Variants in TRPM3 observed in about 807,000 individuals in gnomAD.
TRPM3 encodes transient receptor potential cation channel subfamily M member 3.
A neutral mutation model predicts 181.2 loss-of-function variants in TRPM3; 77 were observed. The ratio of observed to expected loss-of-function variants is 0.42; its 90% CI spans 0.35 to 0.51. The LOEUF is 0.51. Ranked by LOEUF, TRPM3 falls within the 20% of genes least tolerant of loss-of-function variation. TRPM3 has a pLI of 0.01. For synonymous variants in TRPM3, 745 were observed against 796.4 expected, an observed-to-expected ratio of 0.94 and a Z score of 1.09; for missense variants, 1,759 against 2,196.7, an observed-to-expected ratio of 0.80 and a Z score of 3.98.
In TRPM3 at chr9:71,355,823, A is replaced by G. The variant is rs954603575; in HGVS notation, c.183+90830T>C. Among the ~76,000 whole-genome samples, 5 of 134,248 alleles carry G rather than the reference A, an allele frequency of 3.7e-5. No homozygotes were observed. The South Asian group carries it at 9.6e-4, about 26-fold the overall frequency. 88.1% of individuals were successfully genotyped at this position (134,248 alleles called of 152,430 possible). On this transcript the variant is annotated intron_variant, in intron 1 of 24. Coordinates refer to the TRPM3 transcript ENST00000357533. Reference sequence around the variant, plus strand: ...TTAATATTTAGATTTTCACCACAGTAAAACACAAAATATTCCATTTTTTTT... The same window carrying G: ...TTAATATTTAGATTTTCACCACAGTGAAACACAAAATATTCCATTTTTTTT...
At chr9:71,378,020 T>C (rs1043591150) in intron 1 of TRPM3, among the ~76,000 whole-genome samples, 1 of 151,756 alleles carries the variant, frequency 6.6e-6, no homozygotes, top group African/African-American at 2.4e-5. Context: ...ATTTAAAGAG[T>C]AAAAAAGCAA....
intron 3 of TRPM3, among the ~76,000 whole-genome samples, chr9:70,862,654 G>A (rs544819938): frequency 1.3e-5 from 2 of 152,206 alleles, no homozygotes; most frequent in East Asian, 3.9e-4. Flanking sequence ...TTAATAATAA[G>A]AGTCACTGTG....
intron 1 of TRPM3, among the ~76,000 whole-genome samples, chr9:71,179,131 A>G (rs1363369093): frequency 2.6e-5 from 4 of 152,186 alleles, no homozygotes; most frequent in Non-Finnish European, 5.9e-5. Context: ...TTTTCAAGGA[A>G]TTAACAGCCC....
At chr9:71,046,978 C>G (rs911444134) in intron 1 of TRPM3, among the ~76,000 whole-genome samples, 14 of 152,200 alleles carry the variant, frequency 9.2e-5, no homozygotes, top group African/African-American at 3.4e-4. Flanking sequence ...ACACATATGC[C>G]AAAATAGTCT....
intron 22 of TRPM3, among the ~76,000 whole-genome samples, chr9:70,576,566 G>A (rs1177736055): frequency 6.7e-6 from 1 of 150,080 alleles, no homozygotes; most frequent in African/African-American, 2.5e-5. Flanking sequence ...CCAGACTAGA[G>A]TGCAATGGTG....
At chr9:70,939,614 G>T (rs1459946320) in intron 1 of TRPM3, among the ~76,000 whole-genome samples, 1 of 152,288 alleles carries the variant, frequency 6.6e-6, no homozygotes, top group African/African-American at 2.4e-5. Context: ...AGATTGAAAA[G>T]AGAAATATCC....
At chr9:71,133,427 G>A (rs940822183) in intron 1 of TRPM3, among the ~76,000 whole-genome samples, 3 of 151,624 alleles carry the variant, frequency 2.0e-5, no homozygotes, top group Admixed American at 1.3e-4. Context: ...CCCCTCCCGA[G>A]TAGCTGGAAT....
chr9:71,301,149 C>T (rs556022682), intron 1 of TRPM3, among the ~76,000 whole-genome samples: 2 of 152,182 alleles, frequency 1.3e-5, no homozygotes, highest in South Asian at 2.1e-4. Flanking sequence ...GCAACATGTA[C>T]CAAAAATTTT....
chr9:71,400,121 T>C (rs1466744638), intron 1 of TRPM3, among the ~76,000 whole-genome samples: 1 of 152,208 alleles, frequency 6.6e-6, no homozygotes, highest in Non-Finnish European at 1.5e-5. Flanking sequence ...TAATATCAAC[T>C]ACATTACAGA....
At chr9:71,314,404 T>C (rs761830923) in intron 1 of TRPM3, among the ~76,000 whole-genome samples, 5 of 152,204 alleles carry the variant, frequency 3.3e-5, no homozygotes, top group Admixed American at 1.3e-4. Context: ...ATCATTTCTT[T>C]GTTCTCTAGT....
intron 25 of TRPM3, among the ~76,000 whole-genome samples, chr9:70,537,688 T>C (rs547345167): frequency 5.0e-4 from 76 of 152,328 alleles, no homozygotes; most frequent in African/African-American, 1.8e-3. Flanking sequence ...TGAAATGGAA[T>C]GCACAGTCCT....
intron 1 of TRPM3, among the ~76,000 whole-genome samples, chr9:71,067,801 G>T (rs2062130003): frequency 6.6e-6 from 1 of 152,168 alleles, no homozygotes; most frequent in Non-Finnish European, 1.5e-5. Flanking sequence ...AGTCCTCGGA[G>T]ATATCAATGA....
Position 71,117,515 on chromosome 9 carries a change from C to T in TRPM3, c.177+3663G>A, listed in dbSNP as rs548203798. On this transcript the variant is annotated intron_variant, in intron 1 of 25. Transcript: ENST00000677713. ...ACAACGTTCTTCAATGCCCAAGTTGCATAGCAGGCTTCGGACACTAGATCT... is the reference window on the plus strand; with the variant it reads ...ACAACGTTCTTCAATGCCCAAGTTGTATAGCAGGCTTCGGACACTAGATCT... Among the ~76,000 whole-genome samples the T allele has an allele frequency of 2.0e-5, 3 of 152,194 alleles. No individual in the cohort carries two copies. The East Asian group carries it at 5.8e-4, about 29-fold the overall frequency.
intron 1 of TRPM3, among the ~76,000 whole-genome samples, chr9:70,969,756 T>TTATATTTATATATATATATA (rs924887097): frequency 1.0e-4 from 13 of 126,618 alleles, no homozygotes; most frequent in African/African-American, 2.8e-4. Flanking sequence ...CTGAATGATT[T>TTATATTTATATATATATATA]TATATATATA....
At chr9:70,828,829 A>C (rs933914895) in intron 5 of TRPM3, among the ~76,000 whole-genome samples, 1 of 152,058 alleles carries the variant, frequency 6.6e-6, no homozygotes, top group African/African-American at 2.4e-5. Context: ...TAGGCGAAGA[A>C]ACTAAGAAAT....
At chr9:70,767,640 G>A (rs1588069776) in intron 7 of TRPM3, among the ~76,000 whole-genome samples, 1 of 152,212 alleles carries the variant, frequency 6.6e-6, no homozygotes. Context: ...CTCAACTGTG[G>A]CCATATGTTT....
At chr9:71,087,460 CCTTTT>C (rs1380639835) in intron 1 of TRPM3, among the ~76,000 whole-genome samples, 3 of 151,980 alleles carry the variant, frequency 2.0e-5, no homozygotes, top group Non-Finnish European at 4.4e-5. Flanking sequence ...TCTTACTGTG[CCTTTT>C]ATTTTTAAAA....
chr9:71,198,186 A>G (rs1438348127), intron 1 of TRPM3, among the ~76,000 whole-genome samples: 1 of 151,772 alleles, frequency 6.6e-6, no homozygotes, highest in Non-Finnish European at 1.5e-5. Flanking sequence ...AGTTGTAGAT[A>G]TGTGGTGTTA....
intron 1 of TRPM3, among the ~76,000 whole-genome samples, chr9:71,420,736 A>AG (rs2093726588): frequency 1.6e-5 from 1 of 61,032 alleles, no homozygotes; most frequent in East Asian, 2.8e-4. Context: ...AGAGAGAGAG[A>AG]AAGAGAGAGA....
Sources: allele counts gnomAD v4.1 joint callset (sites outside exome capture counted in the v4.1 genomes callset), GRCh38; gene constraint gnomAD v4.1.1; transcripts MANE v1.5; gene names NCBI Gene and HGNC (gene_info 2026-07-23, HGNC 2026-07-21).